SPON1: variants seen among roughly 807,000 people sequenced by gnomAD.
SPON1 encodes spondin-1.
SPON1 carries 52 observed loss-of-function variants against 111.7 expected under a neutral mutation model. The observed-to-expected ratio is 0.47, with a 90% CI of 0.37 to 0.59. The LOEUF is 0.59. Ranked by LOEUF, SPON1 falls within the 20% of genes least tolerant of loss-of-function variation. The pLI is 0.00. For synonymous variants in SPON1, 410 were observed against 395.8 expected (o/e 1.04, Z -0.43); for missense variants, 957 against 1,068.5 (o/e 0.90, Z 1.46).
intron 2 of SPON1, among the ~76,000 whole-genome samples, chr11:14,024,583 C>T (rs782638607): frequency 1.3e-5 from 2 of 152,158 alleles, no homozygotes; most frequent in Admixed American, 6.5e-5. Flanking sequence ...GTGTGGTCCT[C>T]TGCTCCTCCG....
intron 5 of SPON1, among the ~76,000 whole-genome samples, chr11:14,128,056 G>A (rs1554927185): frequency 6.6e-6 from 1 of 152,182 alleles, no homozygotes; most frequent in Admixed American, 6.5e-5. Flanking sequence ...AACTTGAGAT[G>A]AGATTTGGGT....
chr11:14,132,000 C>G (rs1417073953), intron 5 of SPON1, among the ~76,000 whole-genome samples: 2 of 152,204 alleles, frequency 1.3e-5, no homozygotes, highest in East Asian at 3.8e-4. Flanking sequence ...TGAATTAGGT[C>G]GGGCGCAGTG....
intron 3 of SPON1, among the ~76,000 whole-genome samples, chr11:14,044,904 T>C (rs530841659): frequency 2.4e-4 from 37 of 152,236 alleles, no homozygotes; most frequent in Non-Finnish European, 4.6e-4. Context: ...AACTGCTGCA[T>C]GTCTATGGTA....
intron 6 of SPON1, among the ~76,000 whole-genome samples, chr11:14,240,155 A>G (rs1848909918): frequency 6.6e-6 from 1 of 152,206 alleles, no homozygotes. Flanking sequence ...TGCATACATC[A>G]AAGAGAATGG....
intron 2 of SPON1, among the ~76,000 whole-genome samples, chr11:14,018,335 C>T (rs1197846955): frequency 2.0e-5 from 3 of 152,138 alleles, no homozygotes; most frequent in Admixed American, 2.0e-4. Flanking sequence ...GATCTTAAGG[C>T]ATCCAGGTAG....
At chr11:14,148,099 C>T (rs1204587262) in intron 6 of SPON1, among the ~76,000 whole-genome samples, 4 of 152,128 alleles carry the variant, frequency 2.6e-5, no homozygotes, top group Admixed American at 6.6e-5. Flanking sequence ...GATATACTCA[C>T]ATTTAGGCAC....
At chr11:14,149,112 A>G (rs1257971378) in intron 6 of SPON1, among the ~76,000 whole-genome samples, 1 of 152,180 alleles carries the variant, frequency 6.6e-6, no homozygotes, top group Non-Finnish European at 1.5e-5. Flanking sequence ...AGCCTCAGGC[A>G]AGTCCTTCAC....
At chr11:14,085,324 A>G (rs1848997686) in intron 5 of SPON1, among the ~76,000 whole-genome samples, 1 of 152,228 alleles carries the variant, frequency 6.6e-6, no homozygotes, top group Non-Finnish European at 1.5e-5. Context: ...TAACTTTTGT[A>G]TAAGATATAA....
chr11:14,138,643 A>G (rs1554928425), intron 6 of SPON1, among the ~76,000 whole-genome samples: 1 of 152,150 alleles, frequency 6.6e-6, no homozygotes, highest in African/African-American at 2.4e-5. Context: ...GCTGTAGGAA[A>G]TGGTAGATCA....
chr11:14,174,533 A>G (rs1271666658), intron 6 of SPON1, among the ~76,000 whole-genome samples: 1 of 152,174 alleles, frequency 6.6e-6, no homozygotes, highest in Non-Finnish European at 1.5e-5. Context: ...TTTCATGAGG[A>G]AAACAGAGGG....
At chr11:14,147,769 G>C (rs1382939141) in intron 6 of SPON1, among the ~76,000 whole-genome samples, 1 of 101,762 alleles carries the variant, frequency 9.8e-6, no homozygotes, top group African/African-American at 3.4e-5. Flanking sequence ...TTTTTTGAGA[G>C]GAGTCTCGCT....
intron 6 of SPON1, among the ~76,000 whole-genome samples, chr11:14,176,540 A>G (rs1214055023): frequency 2.6e-5 from 4 of 152,074 alleles, no homozygotes; most frequent in African/African-American, 9.7e-5. Flanking sequence ...ACACCCCACC[A>G]TAGGGCTACA....
chr11:13,980,021 TA>T (rs2133779605), intron 1 of SPON1, among the ~76,000 whole-genome samples: 1 of 152,036 alleles, frequency 6.6e-6, no homozygotes, highest in South Asian at 2.1e-4. Flanking sequence ...TTCTTTGCTT[TA>T]TTGTGCTTTT....
chr11:14,256,222 G>C (rs1268342210), intron 9 of SPON1, among the ~76,000 whole-genome samples: 2 of 152,172 alleles, frequency 1.3e-5, no homozygotes, highest in East Asian at 3.9e-4. Flanking sequence ...GCTCCAGTCT[G>C]GGTGACAAGA....
intron 2 of SPON1, among the ~76,000 whole-genome samples, chr11:14,015,504 A>G (rs187349975): frequency 1.3e-5 from 2 of 152,332 alleles, no homozygotes; most frequent in South Asian, 2.1e-4. Flanking sequence ...ACTTTTCAAC[A>G]TATGAATTTT....
At chr11:14,257,927 G>A (rs149524802) in intron 11 of SPON1, 29 bp downstream of exon 11, 31,382 of 1,497,514 alleles carry the variant, frequency 0.021, 434 homozygotes, top group Admixed American at 0.064. Flanking sequence ...CCAGCCAGGG[G>A]CTGGCAGGAG....
chr11:14,174,712 G>GA (rs1243791480), intron 6 of SPON1, among the ~76,000 whole-genome samples: 29 of 151,910 alleles, frequency 1.9e-4, no homozygotes, highest in Admixed American at 1.3e-4. Flanking sequence ...CAATTGAGAA[G>GA]AAAAAACCTT....
At chr11:14,132,050 G>A (rs1037855190) in intron 5 of SPON1, among the ~76,000 whole-genome samples, 3 of 152,172 alleles carry the variant, frequency 2.0e-5, no homozygotes, top group Non-Finnish European at 4.4e-5. Flanking sequence ...AGGCCAAGGC[G>A]GGCAAATCAC....
chr11:13,964,865 A>G (rs572489649), intron 1 of SPON1, among the ~76,000 whole-genome samples: 2 of 152,254 alleles, frequency 1.3e-5, no homozygotes, highest in African/African-American at 4.8e-5. Context: ...CACAGGGGAA[A>G]CTGTCCCCGC....
Sources: allele counts gnomAD v4.1 joint callset (sites outside exome capture counted in the v4.1 genomes callset), GRCh38; gene constraint gnomAD v4.1.1; transcripts MANE v1.5; gene names NCBI Gene and HGNC (gene_info 2026-07-23, HGNC 2026-07-21).